The following HECW2 variants were observed in gnomAD, a reference collection of about 807,000 sequenced individuals.
HECW2 encodes the protein E3 ubiquitin-protein ligase HECW2.
HECW2 carries 61 observed loss-of-function variants against 175.2 expected under a neutral mutation model. The ratio of observed to expected loss-of-function variants is 0.35; its 90% CI spans 0.28 to 0.43. HECW2 has a LOEUF of 0.43. Ranked by LOEUF, HECW2 falls within the 20% of genes least tolerant of loss-of-function variation. The probability of loss-of-function intolerance (pLI) is 1.00; values close to 1 mark genes in which losing one functional copy is unlikely to be tolerated. For missense variants in HECW2, 1,524 were observed against 2,000.5 expected (o/e 0.76, Z 4.54); for synonymous variants, 671 against 731.0 (o/e 0.92, Z 1.32).
intron 1 of HECW2, among the ~76,000 whole-genome samples, chr2:196,460,738 G>A (rs1252093382): frequency 1.4e-5 from 2 of 146,382 alleles, no homozygotes; most frequent in Non-Finnish European, 3.0e-5. Flanking sequence ...AGCCTCCCAA[G>A]TAACTGGGAC....
chr2:196,330,257 CA>C (rs780870995), intron 4 of HECW2, among the ~76,000 whole-genome samples: 37 of 152,182 alleles, frequency 2.4e-4, no homozygotes, highest in Non-Finnish European at 4.0e-4. Context: ...TTATACCTCA[CA>C]AGAAGCCAGT....
At chr2:196,447,241 G>T (rs13399139) in intron 1 of HECW2, among the ~76,000 whole-genome samples, 20,172 of 151,956 alleles carry the variant, frequency 0.13, 1,800 homozygotes, top group African/African-American at 0.26. Flanking sequence ...AGATTCTTTT[G>T]ACCTAAGTGT....
intron 19 of HECW2, among the ~76,000 whole-genome samples, chr2:196,248,758 G>T (rs1368521572): frequency 1.3e-5 from 2 of 152,102 alleles, no homozygotes; most frequent in Non-Finnish European, 2.9e-5. Context: ...AAGACTTTGT[G>T]GTGGGAGAAA....
At chr2:196,545,666 T>TA (rs915237144) in intron 1 of HECW2, among the ~76,000 whole-genome samples, 4 of 152,220 alleles carry the variant, frequency 2.6e-5, no homozygotes, top group African/African-American at 9.6e-5. Flanking sequence ...ACCATGCTCT[T>TA]ACATTCAATC....
chr2:196,443,440 C>T (rs894434934), intron 1 of HECW2, among the ~76,000 whole-genome samples: 1 of 152,140 alleles, frequency 6.6e-6, no homozygotes, highest in African/African-American at 2.4e-5. Flanking sequence ...TGAGCCCCCA[C>T]TGTAACAATA....
intron 1 of HECW2, among the ~76,000 whole-genome samples, chr2:196,522,619 G>A (rs1431644975): frequency 1.3e-5 from 2 of 151,954 alleles, no homozygotes; most frequent in African/African-American, 4.8e-5. Flanking sequence ...TAGGTCTAAC[G>A]TTTAAATCTT....
intron 14 of HECW2, among the ~76,000 whole-genome samples, chr2:196,283,605 T>A (rs1221505548): frequency 6.6e-6 from 1 of 152,104 alleles, no homozygotes; most frequent in Non-Finnish European, 1.5e-5. Flanking sequence ...GGTGTTGAAC[T>A]CCTGACCTCA....
At chr2:196,344,630 G>A (rs1035227242) in intron 2 of HECW2, among the ~76,000 whole-genome samples, 1 of 152,174 alleles carries the variant, frequency 6.6e-6, no homozygotes, top group Non-Finnish European at 1.5e-5. Flanking sequence ...TAGTGGCCCA[G>A]AATAGGAAAT....
In HECW2 at chr2:196,435,341, A is replaced by G. The variant is rs1230327730; in HGVS notation, c.-35-1883T>C. 2.0e-5 allele frequency among the ~76,000 whole-genome samples: 3 copies of G among 152,210 alleles called. No homozygotes were observed. In the East Asian group the frequency reaches 5.8e-4, roughly 29 times the overall value. On this transcript the variant is annotated intron_variant, in intron 1 of 28. Transcript: ENST00000644978. ...GGTCAACTTCTAATCTGATAGTTTC[A>G]AGAAATTTCATTTTACTGACTTTCA... is the stretch of plus-strand genomic sequence containing the variant.
chr2:196,253,988 G>C lies in HECW2; in HGVS notation c.3461C>G (p.Ala1154Gly). 6.2e-7 allele frequency: 1 copy of C among 1,613,998 alleles called. No individual in the cohort carries two copies. Among genetic ancestry groups the C allele is most frequent in the Non-Finnish European group, 8.5e-7 (1 of 1,179,920 alleles). The change falls in exon 19 of 29, where the codon GCC (alanine) becomes GGC (glycine). Residue 1154 changes from alanine to glycine, a missense_variant. Ala to Gly is a moderately conservative substitution (Grantham distance 60, BLOSUM62 0). This residue lies in a region of HECW2 where 291 missense variants were observed against 412.2 expected (regional missense o/e 0.71). Transcript: ENST00000644978. ...EEIMSYVPPH[A>G]LLHPSYCQSP... ...CTGACAGTAGCTGGGGTGGAGTAAGGCATGTGGAGGCACATACGACATTAT... is the reference window on the plus strand; with the variant it reads ...CTGACAGTAGCTGGGGTGGAGTAAGCCATGTGGAGGCACATACGACATTAT...
chr2:196,267,070 GTTATATA>G (rs1689546319), intron 17 of HECW2, among the ~76,000 whole-genome samples: 1 of 152,134 alleles, frequency 6.6e-6, no homozygotes, highest in African/African-American at 2.4e-5. Flanking sequence ...GGTGAGGGGA[GTTATATA>G]GGAAGCACTC....
chr2:196,284,890 C>G (rs1023151741), intron 14 of HECW2, among the ~76,000 whole-genome samples: 1 of 152,142 alleles, frequency 6.6e-6, no homozygotes, highest in Admixed American at 6.5e-5. Context: ...ATCCTTTTCA[C>G]ATTGGCTACT....
At chr2:196,266,301 C>G (rs768298227) in intron 17 of HECW2, among the ~76,000 whole-genome samples, 3 of 151,280 alleles carry the variant, frequency 2.0e-5, no homozygotes, top group East Asian at 1.9e-4. Flanking sequence ...CAGCTGTGAT[C>G]GCGACACTAC....
chr2:196,321,651 C>T (rs1382375074), intron 7 of HECW2, among the ~76,000 whole-genome samples: 3 of 152,080 alleles, frequency 2.0e-5, no homozygotes, highest in Non-Finnish European at 4.4e-5. Flanking sequence ...CTGCCCACCT[C>T]GTCCGCTCAA....
chr2:196,319,145 G>C lies in HECW2; in HGVS notation c.1745C>G (p.Thr582Arg). 1 of 1,594,198 alleles carries C rather than the reference G, an allele frequency of 6.3e-7. No individual in the cohort carries two copies. Among genetic ancestry groups the C allele is most frequent in the Admixed American group, 1.7e-5 (1 of 58,538 alleles). The change falls in exon 9 of 29, where the codon ACA (threonine) becomes AGA (arginine). Residue 582 changes from threonine to arginine, a missense_variant. By Grantham distance (71) the Thr-to-Arg change is moderately conservative (BLOSUM62 -1). This residue lies in a region of HECW2 where 604 missense variants were observed against 588.3 expected (regional missense o/e 1.03). Transcript: ENST00000644978. ...EVDQPTSGAD[T>R]GTSDASGGSR... ...TCCTCCTGATGCATCGGAAGTCCCT[G>C]TGTCTGCGCCACTTGTGGGCTGATC... is the stretch of plus-strand genomic sequence containing the variant.
intron 1 of HECW2, among the ~76,000 whole-genome samples, chr2:196,533,231 A>G (rs1056344888): frequency 6.6e-6 from 1 of 152,248 alleles, no homozygotes; most frequent in Non-Finnish European, 1.5e-5. Context: ...GAAAATGTTC[A>G]AACAGGTAAT....
At chr2:196,405,324 G>A (rs1485460421) in intron 2 of HECW2, among the ~76,000 whole-genome samples, 2 of 152,092 alleles carry the variant, frequency 1.3e-5, no homozygotes, top group South Asian at 2.1e-4. Context: ...AAATCTTGCA[G>A]GGGACTCAAT....
rs111758994 is a variant in HECW2, at chr2:196,512,903, G to T, written c.-35-79445C>A. 2.7e-3 allele frequency among the ~76,000 whole-genome samples: 409 copies of T among 151,986 alleles called. 2 individuals are homozygous for T. Among genetic ancestry groups the T allele is most frequent in the African/African-American group, 9.1e-3 (378 of 41,466 alleles). ...GACGGGGCCTCACCATGTTGGCCAG[G>T]CTGGTCTCAAACTCCTGACCTCAGG... On this transcript the variant is annotated intron_variant, in intron 1 of 28. Coordinates refer to ENST00000644978, the MANE Select transcript of HECW2 (RefSeq NM_001348768.2).
intron 17 of HECW2, chr2:196,258,107 CCT>C (rs1689137553): frequency 3.7e-6 from 2 of 546,168 alleles, no homozygotes; most frequent in African/African-American, 3.8e-5. Flanking sequence ...AGCATCAACA[CCT>C]CCCAGTTCTA....
Sources: allele counts gnomAD v4.1 joint callset (sites outside exome capture counted in the v4.1 genomes callset), GRCh38; gene constraint gnomAD v4.1.1; regional missense constraint gnomAD v4.1.1; transcripts MANE v1.5; gene names NCBI Gene and HGNC (gene_info 2026-07-23, HGNC 2026-07-21).